GGT5: variants seen among roughly 807,000 people sequenced by gnomAD.
GGT5 encodes gamma-glutamyltransferase 5.
In GGT5, 50 loss-of-function variants were observed where a neutral mutation model predicts 58.1. The observed-to-expected ratio is 0.86, with a 90% CI of 0.69 to 1.09. The LOEUF (loss-of-function observed/expected upper bound fraction) is 1.09. GGT5 is among the 50% of genes least tolerant of loss of function. The probability of loss-of-function intolerance (pLI) is 0.00; values close to 1 mark genes in which losing one functional copy is unlikely to be tolerated. For synonymous variants in GGT5, 370 were observed against 346.1 expected, an observed-to-expected ratio of 1.07 and a Z score of -0.77; for missense variants, 800 against 789.4, an observed-to-expected ratio of 1.01 and a Z score of -0.16.
At chr22:24,225,952 A>T in intron 8 of GGT5, 124 bp downstream of exon 8, 1 of 691,354 alleles carries the variant, frequency 1.4e-6, no homozygotes. Context: ...GAAATAGAGG[A>T]GGAGAAAAAG....
chr22:24,225,980 G>T, intron 8 of GGT5, 96 bp downstream of exon 8: 1 of 861,564 alleles, frequency 1.2e-6, no homozygotes, highest in Non-Finnish European at 1.8e-6. Flanking sequence ...GCAAGGTGCT[G>T]CCCCGTGGGG....
chr22:24,225,009 GGC>G lies in GGT5; in HGVS notation c.1599_1600del (p.Glu533AspfsTer62). The G allele has an allele frequency of 6.3e-7, 1 of 1,591,330 alleles. No homozygotes were observed. The highest frequency in any genetic ancestry group is 8.6e-7 in the Non-Finnish European group (1 of 1,167,908). Reference sequence around the variant, plus strand: ...CCTCAGCCTCACCTGGCTGAAGTTGGGCTCGTACTCCACACAGCCCTTGCTGT... The same window carrying G: ...CCTCAGCCTCACCTGGCTGAAGTTGGTCGTACTCCACACAGCCCTTGCTGT... On this transcript the variant is annotated frameshift_variant, in exon 11 of 12. Coordinates refer to ENST00000327365, the MANE Select transcript of GGT5 (RefSeq NM_004121.5). LOFTEE classifies it low-confidence loss of function (END_TRUNC).
chr22:24,231,572 T>C, intron 5 of GGT5, 42 bp from the exon 6 acceptor site: 1 of 1,566,404 alleles, frequency 6.4e-7, no homozygotes, highest in Non-Finnish European at 8.7e-7. Context: ...GATGGGAAAC[T>C]GAGGCGGGGA....
At position 24,231,518 on chromosome 22, in the gene GGT5, G is replaced by A. The variant is rs768749416; in HGVS notation, c.767C>T (p.Thr256Met). Residue 256 changes from threonine (T) to methionine (M), a missense_variant, in exon 6 of 12, where the codon ACG (threonine) becomes ATG (methionine). By Grantham distance (81) the Thr-to-Met change is moderately conservative. Transcript: ENST00000327365. ...CTGGAACTTGGCCAGGTCCTGCAGC[G>A]TCAGCTGGCTCCCTGGGATGAGAAG... is the stretch of plus-strand genomic sequence containing the variant. ...EDIAKEGSQL[T>M]LQDLAKFQPE... The A allele has an allele frequency of 1.7e-4, 278 of 1,590,602 alleles. No individual in the cohort carries two copies. The highest frequency in any genetic ancestry group is 2.2e-4 in the Non-Finnish European group (261 of 1,168,646).
At chr22:24,221,041 C>T (rs569599295) in intron 11 of GGT5, among the ~76,000 whole-genome samples, 1 of 149,620 alleles carries the variant, frequency 6.7e-6, no homozygotes, top group East Asian at 2.0e-4. Context: ...AACAGCAAGA[C>T]TGAAACCGCC....
chr22:24,232,663 G>A (rs1181455085), intron 4 of GGT5, among the ~76,000 whole-genome samples, 160 bp downstream of exon 4: 1 of 152,172 alleles, frequency 6.6e-6, no homozygotes, highest in Non-Finnish European at 1.5e-5. Flanking sequence ...TCTGCCACGG[G>A]GAGCTGGAAG....
In GGT5 at chr22:24,219,719, G is replaced by A; in HGVS notation, c.*251C>T. 1 of 516,846 alleles carries A rather than the reference G, an allele frequency of 1.9e-6. No homozygotes were observed. Among genetic ancestry groups the A allele is most frequent in the Admixed American group, 3.3e-5 (1 of 30,342 alleles). The allele number at this position is 516,846 out of a possible 1,614,324, so 32.0% of individuals were successfully genotyped here. A position where few individuals can be genotyped will look rare whatever the true frequency, so the allele number is the denominator to read the frequency against. On this transcript the variant is annotated 3_prime_UTR_variant, in exon 12 of 12. Coordinates refer to ENST00000327365, the MANE Select transcript of GGT5 (RefSeq NM_004121.5). Reference sequence around the variant, plus strand: ...ATACAGATCGAGAGGGTGGGAGAGTGGCCCCAGGCAAGAGGCCTGCGGAGG... The same window carrying A: ...ATACAGATCGAGAGGGTGGGAGAGTAGCCCCAGGCAAGAGGCCTGCGGAGG...
At chr22:24,221,876 G>T (rs2047599527) in intron 11 of GGT5, among the ~76,000 whole-genome samples, 1 of 151,778 alleles carries the variant, frequency 6.6e-6, no homozygotes, top group Admixed American at 6.6e-5. Context: ...CCGCCAAGTT[G>T]TCCTTAAAAA....
Position 24,232,958 on chromosome 22 carries a change from T to C in GGT5, c.461A>G (p.His154Arg). Reference sequence around the variant, plus strand: ...CAGCTGCGCCCAGGGCAGGCGGCCATGGCGGCGGTGGGCCTCGGCATAGCC... The same window carrying C: ...CAGCTGCGCCCAGGGCAGGCGGCCACGGCGGCGGTGGGCCTCGGCATAGCC... ...LRGYAEAHRR[H>R]GRLPWAQLFQ... The change falls in exon 4 of 12, where the codon CAT becomes CGT. Residue 154 changes from histidine (H) to arginine (R), a missense_variant. His to Arg is a conservative substitution (Grantham distance 29, BLOSUM62 0). Coordinates refer to ENST00000327365, the MANE Select transcript of GGT5 (RefSeq NM_004121.5). The C allele has an allele frequency of 1.3e-6, 2 of 1,564,882 alleles. No individual in the cohort carries two copies. The highest frequency in any genetic ancestry group is 1.7e-6 in the Non-Finnish European group (2 of 1,155,282).
At chr22:24,232,305 G>A in intron 4 of GGT5, 97 bp from the exon 5 acceptor site, 1 of 637,574 alleles carries the variant, frequency 1.6e-6, no homozygotes, top group Non-Finnish European at 2.6e-6. Flanking sequence ...ACCCTACAGT[G>A]GGGGGCGCCC....
At chr22:24,224,211 C>CA (rs1023661337) in intron 11 of GGT5, among the ~76,000 whole-genome samples, 2 of 148,714 alleles carry the variant, frequency 1.3e-5, no homozygotes, top group African/African-American at 4.9e-5. Context: ...TGTGGGGAAT[C>CA]AAAAAAAATG....
chr22:24,233,487 T>C lies in GGT5; in HGVS notation c.400+11A>G, dbSNP rs937064297. 3.9e-6 allele frequency: 6 copies of C among 1,541,668 alleles called. No homozygotes were observed. The African/African-American group carries it at 5.5e-5, about 14-fold the overall frequency. On this transcript the variant is annotated intron_variant, in intron 3 of 11. Transcript: ENST00000327365. ...GGGGGGTGGGAGTGGGGGACCTCCA[T>C]GGGGCGTCACCTGTGCCCAGTGGCA...
chr22:24,225,419 GCAAA>G lies in GGT5; in HGVS notation c.1337-12_1337-9del. 6.2e-7 allele frequency: 1 copy of G among 1,605,366 alleles called. No individual in the cohort carries two copies. On this transcript the variant is annotated splice_polypyrimidine_tract_variant and intron_variant, in intron 9 of 11. Transcript: ENST00000327365. ...CCACCCTGTCTCCACTCACTGCTGA[GCAAA>G]CAGCGTCTTGGCAAGTGCAGTGACC... is the stretch of plus-strand genomic sequence containing the variant.
chr22:24,232,072 C>T lies in GGT5; in HGVS notation c.733G>A (p.Val245Met), dbSNP rs756454557. The T allele has an allele frequency of 1.9e-6, 3 of 1,613,572 alleles. No homozygotes were observed. Among genetic ancestry groups the T allele is most frequent in the Admixed American group, 3.3e-5 (2 of 59,964 alleles). ...TGACCTTCCTTGGCAATGTCCTCCACCAGCATCTGGCCCAGCCTCCCCGTG... is the reference window on the plus strand; with the variant it reads ...TGACCTTCCTTGGCAATGTCCTCCATCAGCATCTGGCCCAGCCTCCCCGTG... ...FYTGRLGQML[V>M]EDIAKEGSQL... The change falls in exon 5 of 12, where the codon GTG becomes ATG. Residue 245 changes from valine to methionine, a missense_variant. Val to Met is a conservative substitution (Grantham distance 21, BLOSUM62 1). Transcript: ENST00000327365.
intron 11 of GGT5, among the ~76,000 whole-genome samples, chr22:24,223,384 G>T (rs1054961574): frequency 2.0e-5 from 3 of 152,104 alleles, no homozygotes; most frequent in African/African-American, 7.2e-5. Flanking sequence ...CTGAGTGACA[G>T]AGTGAGACTG....
chr22:24,222,906 T>C (rs7286276), intron 11 of GGT5, among the ~76,000 whole-genome samples: 2,782 of 151,378 alleles, frequency 0.018, 40 homozygotes, highest in South Asian at 0.049. Flanking sequence ...TGAAACCCTG[T>C]CTCTACTAAA....
rs755319602 is a variant in GGT5, at chr22:24,244,527, C to G, written c.173+26G>C. 9.4e-6 allele frequency: 15 copies of G among 1,602,358 alleles called. No homozygotes were observed. In the South Asian group the frequency reaches 1.7e-4, roughly 18 times the overall value. ...GGAGGGGCTGGCTGCCAAGGGCCACCCAGCTTCCTCCCACGTCTCACTCAC... is the reference window on the plus strand; with the variant it reads ...GGAGGGGCTGGCTGCCAAGGGCCACGCAGCTTCCTCCCACGTCTCACTCAC... On this transcript the variant is annotated intron_variant, in intron 1 of 11. Coordinates refer to ENST00000327365, the MANE Select transcript of GGT5 (RefSeq NM_004121.5).
intron 1 of GGT5, chr22:24,243,414 G>T (rs1301356760): frequency 1.3e-5 from 2 of 152,028 alleles, no homozygotes; most frequent in Non-Finnish European, 2.9e-5. Flanking sequence ...GTCAGGAGGG[G>T]CGGGGGGTGG....
intron 11 of GGT5, among the ~76,000 whole-genome samples, chr22:24,224,676 G>A (rs1389215418): frequency 2.0e-5 from 3 of 152,174 alleles, no homozygotes; most frequent in African/African-American, 4.8e-5. Context: ...GTCACCATGA[G>A]GGAGAGTCTG....
Sources: gnomAD v4.1 joint callset for allele counts (sites outside exome capture counted in the v4.1 genomes callset) on GRCh38, gnomAD v4.1.1 for gene constraint, MANE v1.5 for transcripts, NCBI Gene and HGNC (gene_info 2026-07-23, HGNC 2026-07-21) for gene names.